Variants in DPM1 observed in about 807,000 individuals in gnomAD.
DPM1 encodes dolichol-phosphate mannosyltransferase subunit 1.
In DPM1, 27 loss-of-function variants were observed where a neutral mutation model predicts 39.0. The ratio of observed to expected loss-of-function variants is 0.69; its 90% CI spans 0.51 to 0.95. The LOEUF (loss-of-function observed/expected upper bound fraction) is 0.95. Ranked by LOEUF, DPM1 falls within the 40% of genes least tolerant of loss-of-function variation. The probability of loss-of-function intolerance (pLI) is 0.00; values close to 1 mark genes in which losing one functional copy is unlikely to be tolerated. For synonymous variants in DPM1, 124 were observed against 109.0 expected, an observed-to-expected ratio of 1.14 and a Z score of -0.86; for missense variants, 307 against 315.6, an observed-to-expected ratio of 0.97 and a Z score of 0.21.
At chr20:50,945,959 CAG>C (rs1568767984) in intron 3 of DPM1, 36 bp from the exon 4 acceptor site, 1 of 1,561,772 alleles carries the variant, frequency 6.4e-7, no homozygotes, top group Non-Finnish European at 8.8e-7. Context: ...AGAAAATCAA[CAG>C]AAATCTTTAC....
At chr20:50,941,806 G>C (rs1345466406) in intron 6 of DPM1, among the ~76,000 whole-genome samples, 2 of 152,118 alleles carry the variant, frequency 1.3e-5, no homozygotes, top group Non-Finnish European at 2.9e-5. Flanking sequence ...TGCTGAATGA[G>C]ACCATTTCTA....
rs780823022 is a variant in DPM1 at position 50,945,809 on chromosome 20, A to G, written c.372+38T>C. The stretch of plus-strand genomic sequence containing the variant: ...CAGTAAGTCAGTAAAACAGGCTAAG[A>G]CTACCATAAATAGCTAATAAAGAAA... On this transcript the variant is annotated intron_variant, in intron 4 of 8. Coordinates refer to ENST00000371588, the MANE Select transcript of DPM1 (RefSeq NM_003859.3). 11 of 1,611,104 alleles carry G rather than the reference A, an allele frequency of 6.8e-6. No individual in the cohort carries two copies. The African/African-American group carries it at 1.3e-4, about 20-fold the overall frequency.
intron 1 of DPM1, among the ~76,000 whole-genome samples, chr20:50,958,109 G>A (rs1257532999): frequency 1.3e-5 from 2 of 152,222 alleles, no homozygotes; most frequent in African/African-American, 4.8e-5. Context: ...CGGAAAGGCG[G>A]GGGACGGGAG....
intron 2 of DPM1, among the ~76,000 whole-genome samples, chr20:50,954,424 A>G (rs1187621093): frequency 6.6e-6 from 1 of 152,224 alleles, no homozygotes; most frequent in Non-Finnish European, 1.5e-5. Context: ...CCCCCACAGT[A>G]AAGAATTAAT....
intron 2 of DPM1, among the ~76,000 whole-genome samples, chr20:50,951,947 C>G (rs1314863055): frequency 6.6e-6 from 1 of 152,084 alleles, no homozygotes; most frequent in Non-Finnish European, 1.5e-5. Context: ...ACTCTTAATT[C>G]CACCTCTCCA....
chr20:50,936,835 T>C (rs1049006358), intron 7 of DPM1, among the ~76,000 whole-genome samples: 3 of 152,200 alleles, frequency 2.0e-5, no homozygotes, highest in Admixed American at 6.5e-5. Context: ...CATCACAGGA[T>C]AGAAACAATC....
intron 7 of DPM1, among the ~76,000 whole-genome samples, chr20:50,939,376 T>TC: frequency 6.9e-6 from 1 of 145,062 alleles, no homozygotes; most frequent in East Asian, 2.3e-4. Flanking sequence ...TTTTTTTTTG[T>TC]TTTTTTTTAG....
chr20:50,954,244 TTCTC>T (rs1241970117), intron 2 of DPM1, among the ~76,000 whole-genome samples: 1 of 152,206 alleles, frequency 6.6e-6, no homozygotes, highest in Admixed American at 6.5e-5. Context: ...AGGGACTTCT[TTCTC>T]TATACCAATG....
Position 50,941,128 on chromosome 20 carries a change from C to G in DPM1, c.495-195G>C, listed in dbSNP as rs185402578. The G allele has an allele frequency of 4.2e-4, 264 of 632,110 alleles. 1 individual carries two copies. The East Asian group carries it at 6.9e-3, about 17-fold the overall frequency. 39.2% of individuals were successfully genotyped at this position (632,110 alleles called of 1,614,324 possible). Reference sequence around the variant, plus strand: ...ACCTGGCTAGGCGCGGTGGCTCACACCTGTAATCCCAGGAGGCCAAGATGG... The same window carrying G: ...ACCTGGCTAGGCGCGGTGGCTCACAGCTGTAATCCCAGGAGGCCAAGATGG... On this transcript the variant is annotated intron_variant, in intron 6 of 8. Transcript: ENST00000371588.
At chr20:50,955,450 C>G (rs1048473243) in intron 1 of DPM1, among the ~76,000 whole-genome samples, 165 bp from the exon 2 acceptor site, 1 of 152,208 alleles carries the variant, frequency 6.6e-6, no homozygotes, top group African/African-American at 2.4e-5. Flanking sequence ...ACATTTAGTA[C>G]TTTACCTCCA....
chr20:50,940,397 C>G (rs1316519957), intron 7 of DPM1, among the ~76,000 whole-genome samples: 1 of 152,070 alleles, frequency 6.6e-6, no homozygotes, highest in Non-Finnish European at 1.5e-5. Flanking sequence ...CACCCAGAAA[C>G]AGACACGCAA....
Position 50,948,345 on chromosome 20 carries a change from G to A in DPM1, c.295+284C>T, listed in dbSNP as rs547888877. On this transcript the variant is annotated intron_variant, in intron 3 of 8. Transcript: ENST00000371588. ...CCTCCAGCTGTTACTAATCTTAGTA[G>A]CCTCACTGCTCCATTTGGTTTCTCA... Among the ~76,000 whole-genome samples, 7 of 152,258 alleles carry A rather than the reference G, an allele frequency of 4.6e-5. 1 individual carries two copies. Among genetic ancestry groups the A allele is most frequent in the South Asian group, 2.1e-4 (1 of 4,822 alleles).
At position 50,958,447 on chromosome 20, in the gene DPM1, T is replaced by A. The variant is rs373860883; in HGVS notation, c.77A>T (p.Lys26Ile). 6.2e-7 allele frequency: 1 copy of A among 1,614,036 alleles called. No homozygotes were observed. Among genetic ancestry groups the A allele is most frequent in the East Asian group, 2.2e-5 (1 of 44,852 alleles). Residue 26 changes from lysine to isoleucine, a missense_variant, in exon 1 of 9, where the codon AAA becomes ATA. Around this residue, in one of 3 missense-constraint regions of DPM1, gnomAD observed 206 missense variants for 188.2 expected, o/e 1.09. Transcript: ENST00000371588. The stretch of plus-strand genomic sequence containing the variant: ...GTAGGTAGGTAAAAGCACCGAATAT[T>A]TGTTCTGTCGTGGACTGCGCACTTC... ...ELEVRSPRQN[K>I]YSVLLPTYNE...
chr20:50,942,200 C>G, intron 5 of DPM1, 74 bp from the exon 6 acceptor site: 1 of 1,361,336 alleles, frequency 7.3e-7, no homozygotes, highest in South Asian at 1.2e-5. Context: ...GCTACACAAA[C>G]AAAACTTTTA....
intron 2 of DPM1, among the ~76,000 whole-genome samples, chr20:50,952,605 G>C (rs1986635463): frequency 6.6e-6 from 1 of 152,156 alleles, no homozygotes; most frequent in Non-Finnish European, 1.5e-5. Flanking sequence ...TTATCAGTGA[G>C]GCTCAGTATT....
chr20:50,935,277 A>T, intron 8 of DPM1, 41 bp from the exon 9 acceptor site: 1 of 1,280,162 alleles, frequency 7.8e-7, no homozygotes, highest in South Asian at 1.2e-5. Flanking sequence ...CTTTAAAAAC[A>T]ATTAGGCAGC....
In DPM1 at chr20:50,941,261, T is replaced by TAA. The variant is rs1555821489; in HGVS notation, c.495-329_495-328insTT. ...ATATATATATATATATATATATATA[T>TAA]ATAAATAAAATACATTCATATAATA... On this transcript the variant is annotated intron_variant, in intron 6 of 8. Transcript: ENST00000371588. 42 of 159,276 alleles carry TAA rather than the reference T, an allele frequency of 2.6e-4. 2 individuals carry two copies. The highest frequency in any genetic ancestry group is 1.1e-3 in the African/African-American group (32 of 28,324). The allele number at this position is 159,276 out of a possible 1,614,324, so 9.9% of individuals were successfully genotyped here.
At chr20:50,946,012 G>T (rs576969809) in intron 3 of DPM1, 89 bp from the exon 4 acceptor site, 20 of 1,102,668 alleles carry the variant, frequency 1.8e-5, no homozygotes, top group Admixed American at 5.2e-5. Context: ...AGCACCTGAA[G>T]AGCACACATT....
rs17850342 is a variant in DPM1 at position 50,958,509 on chromosome 20, T to C, written c.15A>G (p.Glu5=). MASL[E]VSRSPRRSRR... ...GAGACCTGCGAGGACTACGACTGACTTCCAAGGAGGCCATGGCGGAACTGA... is the reference window on the plus strand; with the variant it reads ...GAGACCTGCGAGGACTACGACTGACCTCCAAGGAGGCCATGGCGGAACTGA... Residue 5 remains glutamate, a synonymous_variant, in exon 1 of 9, where the codon GAA becomes GAG. Coordinates refer to ENST00000371588, the MANE Select transcript of DPM1 (RefSeq NM_003859.3). 2 of 1,613,432 alleles carry C rather than the reference T, an allele frequency of 1.2e-6. No individual in the cohort carries two copies. The highest frequency in any genetic ancestry group is 1.7e-6 in the Non-Finnish European group (2 of 1,179,924).
Sources: allele counts gnomAD v4.1 joint callset (sites outside exome capture counted in the v4.1 genomes callset), GRCh38; gene constraint gnomAD v4.1.1; regional missense constraint gnomAD v4.1.1; transcripts MANE v1.5; gene names NCBI Gene and HGNC (gene_info 2026-07-23, HGNC 2026-07-21).